The following ANK3 variants were observed in gnomAD, a reference collection of about 807,000 sequenced individuals.
ANK3 encodes the protein ankyrin 3.
Under a neutral mutation model 370.9 loss-of-function variants are expected in ANK3, and 57 were observed. That is an observed-to-expected ratio of 0.15 (90% CI 0.12 to 0.19). The LOEUF is 0.19. Among genes scored for constraint, ANK3 ranks in the 10% least tolerant of loss-of-function variants. The pLI, the probability that ANK3 is intolerant of heterozygous loss-of-function variation, is 1.00. For synonymous variants in ANK3, 1,929 were observed against 1,946.3 expected (o/e 0.99, Z 0.23); for missense variants, 4,439 against 5,302.1 (o/e 0.84, Z 5.06).
At chr10:60,316,643 C>A (rs879629537) in intron 1 of ANK3, among the ~76,000 whole-genome samples, 1 of 152,118 alleles carries the variant, frequency 6.6e-6, no homozygotes, top group Non-Finnish European at 1.5e-5. Context: ...AGGAAGAGAA[C>A]GTGGTTTTAT....
At position 60,110,460 on chromosome 10, in the gene ANK3, G is replaced by T. The variant is rs150730121; in HGVS notation, c.2949-1406C>A. 5.9e-5 allele frequency among the ~76,000 whole-genome samples: 9 copies of T among 152,190 alleles called. 1 individual carries two copies. Among genetic ancestry groups the T allele is most frequent in the African/African-American group, 2.2e-4 (9 of 41,528 alleles). On this transcript the variant is annotated intron_variant, in intron 26 of 43. Coordinates refer to ENST00000280772, the MANE Select transcript of ANK3 (RefSeq NM_020987.5). ...TCTCTTACAACATTCTATCGATTTT[G>T]GGAGATTGGGACCACTACGATAATC...
chr10:60,087,580 T>A (rs1589799386), intron 29 of ANK3, among the ~76,000 whole-genome samples: 1 of 152,228 alleles, frequency 6.6e-6, no homozygotes, highest in Admixed American at 6.5e-5. Flanking sequence ...GAACCTTCAG[T>A]TAAACTATTA....
intron 1 of ANK3, among the ~76,000 whole-genome samples, chr10:60,704,867 G>A (rs755031678): frequency 3.3e-5 from 5 of 152,044 alleles, no homozygotes; most frequent in African/African-American, 9.7e-5. Flanking sequence ...AAAAATAATC[G>A]TGTTTTAAAG....
chr10:60,265,146 T>C (rs921815183), intron 5 of ANK3, among the ~76,000 whole-genome samples: 1 of 152,138 alleles, frequency 6.6e-6, no homozygotes, highest in Non-Finnish European at 1.5e-5. Flanking sequence ...TTTTGATATG[T>C]ACAATACATT....
chr10:60,429,277 C>A (rs1196941242), intron 2 of ANK3, among the ~76,000 whole-genome samples: 2 of 151,948 alleles, frequency 1.3e-5, no homozygotes, highest in African/African-American at 2.4e-5. Context: ...TCTCAAGCAG[C>A]CTATCTTCCT....
At chr10:60,708,108 G>A (rs1236187750) in intron 1 of ANK3, among the ~76,000 whole-genome samples, 1 of 152,036 alleles carries the variant, frequency 6.6e-6, no homozygotes, top group Non-Finnish European at 1.5e-5. Flanking sequence ...TTCTGCCAGG[G>A]AGCCCTTCCC....
At chr10:60,238,783 T>C (rs2097372748) in intron 7 of ANK3, among the ~76,000 whole-genome samples, 1 of 152,106 alleles carries the variant, frequency 6.6e-6, no homozygotes, top group African/African-American at 2.4e-5. Flanking sequence ...CAAAACAGGC[T>C]CCACCTCTCA....
chr10:60,343,510 A>G (rs2054726980), intron 1 of ANK3, among the ~76,000 whole-genome samples: 1 of 152,148 alleles, frequency 6.6e-6, no homozygotes, highest in African/African-American at 2.4e-5. Context: ...AAGTAAGCTA[A>G]ATCCTCATCT....
At chr10:60,558,878 G>T (rs1322332601) in intron 2 of ANK3, among the ~76,000 whole-genome samples, 1 of 152,002 alleles carries the variant, frequency 6.6e-6, no homozygotes, top group Admixed American at 6.6e-5. Context: ...AGGGAGGAAG[G>T]AACCAACATT....
At chr10:60,390,729 A>AACACACACAC (rs572520321), upstream of ANK3, among the ~76,000 whole-genome samples, 123 of 107,068 alleles carry the variant, frequency 1.1e-3, no homozygotes, top group African/African-American at 4.2e-3. Context: ...TAAAAAAAAG[A>AACACACACAC]ACACACACAC....
chr10:60,621,552 A>G (rs777427903), intron 1 of ANK3, among the ~76,000 whole-genome samples: 13 of 152,212 alleles, frequency 8.5e-5, no homozygotes, highest in African/African-American at 3.1e-4. Flanking sequence ...CGTGTAATTC[A>G]TGGCAGGTTT....
chr10:60,489,088 T>C (rs1322752154), intron 2 of ANK3, among the ~76,000 whole-genome samples: 1 of 152,220 alleles, frequency 6.6e-6, no homozygotes, highest in Non-Finnish European at 1.5e-5. Flanking sequence ...ATGACAATTT[T>C]CACAATGACC....
At chr10:60,641,654 G>A (rs1431340724) in intron 1 of ANK3, among the ~76,000 whole-genome samples, 3 of 151,988 alleles carry the variant, frequency 2.0e-5, no homozygotes, top group Admixed American at 6.6e-5. Context: ...AGACTTAAAT[G>A]TTAGACCTAA....
At chr10:60,457,697 AGTTAGG>A (rs2064782794) in intron 2 of ANK3, among the ~76,000 whole-genome samples, 1 of 152,042 alleles carries the variant, frequency 6.6e-6, no homozygotes, top group Non-Finnish European at 1.5e-5. Context: ...AAAGAGTTAG[AGTTAGG>A]GCCTCCTGAT....
chr10:60,262,012 C>G, intron 6 of ANK3, 55 bp from the exon 7 acceptor site: 2 of 1,455,512 alleles, frequency 1.4e-6, no homozygotes, highest in Middle Eastern at 1.7e-4. Context: ...CCCTGCCTGA[C>G]AGGCAAATAT....
intron 2 of ANK3, among the ~76,000 whole-genome samples, chr10:60,437,695 G>T (rs981404635): frequency 6.6e-6 from 1 of 152,184 alleles, no homozygotes; most frequent in Non-Finnish European, 1.5e-5. Flanking sequence ...GTGTGCATAA[G>T]GGGGAGAGGG....
intron 2 of ANK3, among the ~76,000 whole-genome samples, chr10:60,480,620 A>G (rs1003123078): frequency 5.3e-5 from 8 of 152,196 alleles, no homozygotes; most frequent in Admixed American, 5.2e-4. Flanking sequence ...AATGATAAAT[A>G]AGACAGAGTT....
At chr10:60,091,397 G>C (rs2088355245) in intron 28 of ANK3, among the ~76,000 whole-genome samples, 1 of 152,098 alleles carries the variant, frequency 6.6e-6, no homozygotes. Context: ...ACTGGGGATA[G>C]GGTAGAAAGG....
intron 23 of ANK3, chr10:60,145,819 G>T (rs907173753): frequency 3.5e-6 from 2 of 573,738 alleles, no homozygotes; most frequent in Admixed American, 3.2e-5. Context: ...TGAGGGCAAG[G>T]GGGCTTTGTC....
Sources: allele counts gnomAD v4.1 joint callset (sites outside exome capture counted in the v4.1 genomes callset), GRCh38; gene constraint gnomAD v4.1.1; transcripts MANE v1.5; gene names NCBI Gene and HGNC (gene_info 2026-07-23, HGNC 2026-07-21).